ITGB8: variants seen among roughly 807,000 people sequenced by gnomAD.
ITGB8 encodes integrin beta-8.
Under a neutral mutation model 89.5 loss-of-function variants are expected in ITGB8, and 30 were observed. The ratio of observed to expected loss-of-function variants is 0.34; its 90% CI spans 0.25 to 0.45. ITGB8 has a LOEUF of 0.45. Among genes scored for constraint, ITGB8 ranks in the 20% least tolerant of loss-of-function variants. ITGB8 has a pLI of 1.00. For synonymous variants in ITGB8, 335 were observed against 320.4 expected (o/e 1.05, Z -0.49); for missense variants, 836 against 933.3 (o/e 0.90, Z 1.36).
At chr7:20,333,338 A>G (rs10227329) in intron 1 of ITGB8, among the ~76,000 whole-genome samples, 37,819 of 152,102 alleles carry the variant, frequency 0.25, 5,900 homozygotes, top group Non-Finnish European at 0.35. Context: ...GGAAAAAGTA[A>G]CATTCATTAT....
At chr7:20,409,568 T>C in intron 12 of ITGB8, 47 bp from the exon 13 acceptor site, 1 of 1,327,506 alleles carries the variant, frequency 7.5e-7, no homozygotes, top group Non-Finnish European at 1.0e-6. Flanking sequence ...ACTCTTTGAT[T>C]TACTTATTCC....
intron 1 of ITGB8, among the ~76,000 whole-genome samples, chr7:20,363,328 C>T (rs1010526140): frequency 1.3e-5 from 2 of 152,102 alleles, no homozygotes; most frequent in Non-Finnish European, 2.9e-5. Context: ...TGTGGAAGGT[C>T]CTTGTCCTCT....
rs1276450326 is a variant in ITGB8 at position 20,331,371 on chromosome 7, T to C, written c.-436T>C. On this transcript the variant is annotated 5_prime_UTR_variant, in exon 1 of 14. Transcript: ENST00000222573. ...ACCCAGTGAATGTACATTAGGGTGG[T>C]TTCCCCCCCAGCTTCGGGCTTTGTT... 2 of 397,416 alleles carry C rather than the reference T, an allele frequency of 5.0e-6. No individual in the cohort carries two copies. Among genetic ancestry groups the C allele is most frequent in the South Asian group, 1.4e-4 (1 of 7,178 alleles). The allele number at this position is 397,416 out of a possible 1,614,324, so 24.6% of individuals were successfully genotyped here. A position where few individuals can be genotyped will look rare whatever the true frequency, so the allele number is the denominator to read the frequency against.
intron 6 of ITGB8, among the ~76,000 whole-genome samples, chr7:20,389,106 T>C (rs996070725): frequency 1.3e-5 from 2 of 152,194 alleles, no homozygotes; most frequent in East Asian, 3.9e-4. Flanking sequence ...TGTGTCTTTA[T>C]AGTAGAATGA....
At chr7:20,397,937 A>C (rs150027040) in intron 8 of ITGB8, among the ~76,000 whole-genome samples, 89 of 151,910 alleles carry the variant, frequency 5.9e-4, no homozygotes, top group Non-Finnish European at 1.0e-3. Flanking sequence ...CTTTAGGCAC[A>C]TACTTCGTTT....
chr7:20,372,472 T>C (rs571901144), intron 3 of ITGB8, among the ~76,000 whole-genome samples: 1 of 152,190 alleles, frequency 6.6e-6, no homozygotes, highest in East Asian at 1.9e-4. Context: ...CAACTTAGTG[T>C]GGTAGGGAAA....
chr7:20,377,480 A>G (rs1314260175), intron 3 of ITGB8: 4 of 152,192 alleles, frequency 2.6e-5, no homozygotes, highest in East Asian at 1.9e-4. Flanking sequence ...AGTAGTGTTG[A>G]ATTTCTACTT....
intron 1 of ITGB8, among the ~76,000 whole-genome samples, chr7:20,345,918 GT>G (rs1470531518): frequency 6.6e-6 from 1 of 152,200 alleles, no homozygotes; most frequent in Admixed American, 6.5e-5. Flanking sequence ...TACAAAAATT[GT>G]CAGGAATTGA....
Position 20,411,992 on chromosome 7 carries a change from T to G in ITGB8, c.*1995T>G, listed in dbSNP as rs1456097230. 6.6e-6 allele frequency: 1 copy of G among 152,656 alleles called. No homozygotes were observed. The allele number at this position is 152,656 out of a possible 1,614,324, so 9.5% of individuals were successfully genotyped here. A position where few individuals can be genotyped will look rare whatever the true frequency, so the allele number is the denominator to read the frequency against. ...CTGTGTGGATATACAGTTTTGCCCATGACAACAAAGGAATCTATCCGAAAT... is the reference window on the plus strand; with the variant it reads ...CTGTGTGGATATACAGTTTTGCCCAGGACAACAAAGGAATCTATCCGAAAT... On this transcript the variant is annotated 3_prime_UTR_variant, in exon 14 of 14. Transcript: ENST00000222573.
At chr7:20,343,901 C>T (rs900275679) in intron 1 of ITGB8, among the ~76,000 whole-genome samples, 3 of 152,134 alleles carry the variant, frequency 2.0e-5, no homozygotes, top group Admixed American at 2.0e-4. Context: ...GTACACTTTC[C>T]TTGCTTGGTG....
At chr7:20,340,163 G>A (rs1784708092) in intron 1 of ITGB8, among the ~76,000 whole-genome samples, 1 of 152,154 alleles carries the variant, frequency 6.6e-6, no homozygotes, top group African/African-American at 2.4e-5. Flanking sequence ...TCTCTGCCTG[G>A]TGTTTTATTG....
chr7:20,409,880 G>C lies in ITGB8; in HGVS notation c.2193G>C (p.Lys731Asn), dbSNP rs1434831688. The change falls in exon 14 of 14, where the codon AAG becomes AAC. Residue 731 changes from lysine (K) to asparagine (N), a missense_variant. Transcript: ENST00000222573. ...DYRVSASKKD[K>N]LILQSVCTRA... Reference sequence around the variant, plus strand: ...AATATTTCTTCTCTATTAAGGATAAGTTGATTCTGCAAAGTGTTTGCACAA... The same window carrying C: ...AATATTTCTTCTCTATTAAGGATAACTTGATTCTGCAAAGTGTTTGCACAA... 3 of 1,613,366 alleles carry C rather than the reference G, an allele frequency of 1.9e-6. No homozygotes were observed. Among genetic ancestry groups the C allele is most frequent in the Non-Finnish European group, 2.5e-6 (3 of 1,179,722 alleles).
intron 3 of ITGB8, among the ~76,000 whole-genome samples, chr7:20,375,315 A>G (rs1044565744): frequency 1.1e-4 from 17 of 152,134 alleles, no homozygotes; most frequent in African/African-American, 3.9e-4. Context: ...TGTTTAATAT[A>G]GGAAAAAAGA....
chr7:20,408,100 G>A (rs1430138473), intron 12 of ITGB8, among the ~76,000 whole-genome samples: 1 of 152,164 alleles, frequency 6.6e-6, no homozygotes, highest in Non-Finnish European at 1.5e-5. Flanking sequence ...GCCAGTAAGT[G>A]GGATCAAGCC....
chr7:20,399,030 CTAAGT>C (rs751655894), intron 9 of ITGB8, 36 bp downstream of exon 9: 1 of 1,590,910 alleles, frequency 6.3e-7, no homozygotes, highest in Admixed American at 1.8e-5. Flanking sequence ...TTAAAATAAA[CTAAGT>C]TGTTTGGCGT....
rs1170210345 is a variant in ITGB8 at position 20,411,189 on chromosome 7, T to C, written c.*1192T>C. On this transcript the variant is annotated 3_prime_UTR_variant, in exon 14 of 14. Coordinates refer to ENST00000222573, the MANE Select transcript of ITGB8 (RefSeq NM_002214.3). ...TTTTTTTTGAGACGGAGTTTCACTC[T>C]TGTCACCCAGGCTGAAGTGCAATGG... 6.7e-6 allele frequency: 1 copy of C among 148,688 alleles called. No homozygotes were observed. The highest frequency in any genetic ancestry group is 1.5e-5 in the Non-Finnish European group (1 of 67,764). 9.2% of individuals were successfully genotyped at this position (148,688 alleles called of 1,614,324 possible).
intron 3 of ITGB8, among the ~76,000 whole-genome samples, chr7:20,368,534 T>C (rs558105003): frequency 3.1e-4 from 47 of 152,308 alleles, no homozygotes; most frequent in African/African-American, 1.1e-3. Context: ...TCTCTCTTTT[T>C]TGTGTAATTT....
At chr7:20,373,494 G>A (rs143135820) in intron 3 of ITGB8, among the ~76,000 whole-genome samples, 2 of 152,110 alleles carry the variant, frequency 1.3e-5, no homozygotes, top group African/African-American at 4.8e-5. Context: ...AACTTGGTTC[G>A]TTTTAATAAT....
chr7:20,336,045 G>A lies in ITGB8; in HGVS notation c.127+4112G>A, dbSNP rs1293948223. On this transcript the variant is annotated intron_variant, in intron 1 of 13. Transcript: ENST00000222573. ...TTTTGAGACGGAGTCTTGCTCTGTC[G>A]CCCAGGCTGGAGTGCAGTGGTGCGA... is the stretch of plus-strand genomic sequence containing the variant. 4.8e-4 allele frequency among the ~76,000 whole-genome samples: 56 copies of A among 116,698 alleles called. 2 individuals are homozygous for A. Among genetic ancestry groups the A allele is most frequent in the Non-Finnish European group, 2.3e-4 (14 of 61,930 alleles). The allele number at this position is 116,698 out of a possible 152,430, so 76.6% of individuals were successfully genotyped here. A position where few individuals can be genotyped will look rare whatever the true frequency, so the allele number is the denominator to read the frequency against.
Sources: allele counts gnomAD v4.1 joint callset (sites outside exome capture counted in the v4.1 genomes callset), GRCh38; gene constraint gnomAD v4.1.1; transcripts MANE v1.5; gene names NCBI Gene and HGNC (gene_info 2026-07-23, HGNC 2026-07-21).